Variants in GMDS observed in about 807,000 individuals in gnomAD.
The protein encoded by GMDS is GDP-mannose 4,6 dehydratase.
In GMDS, 20 loss-of-function variants were observed where a neutral mutation model predicts 49.9. The ratio of observed to expected loss-of-function variants is 0.40; its 90% CI spans 0.28 to 0.58. The LOEUF is 0.58. GMDS is among the 20% of genes least tolerant of loss of function. The probability of loss-of-function intolerance (pLI) is 0.42; values close to 1 mark genes in which losing one functional copy is unlikely to be tolerated. For missense variants in GMDS, 362 were observed against 481.4 expected (o/e 0.75, Z 2.32); for synonymous variants, 177 against 178.6 (o/e 0.99, Z 0.07).
intron 7 of GMDS, among the ~76,000 whole-genome samples, chr6:1,839,876 T>A (rs1757082200): frequency 6.6e-6 from 1 of 152,226 alleles, no homozygotes. Flanking sequence ...TCTGCGCCTT[T>A]GTGGGATGCT....
chr6:2,045,015 A>G (rs980526699), intron 4 of GMDS, among the ~76,000 whole-genome samples: 1 of 152,202 alleles, frequency 6.6e-6, no homozygotes, highest in African/African-American at 2.4e-5. Flanking sequence ...GGCTTATAAA[A>G]TGATGAAGAA....
At chr6:1,940,346 T>C (rs533445747) in intron 6 of GMDS, among the ~76,000 whole-genome samples, 1 of 152,364 alleles carries the variant, frequency 6.6e-6, no homozygotes, top group Non-Finnish European at 1.5e-5. Flanking sequence ...CAATGACAGT[T>C]TGGACAATAT....
chr6:1,660,162 T>G (rs1279911931), intron 9 of GMDS, among the ~76,000 whole-genome samples: 1 of 152,142 alleles, frequency 6.6e-6, no homozygotes, highest in African/African-American at 2.4e-5. Context: ...AAAGCATTCC[T>G]GGAAAGCCCC....
chr6:1,655,059 C>CAA (rs66508419), intron 9 of GMDS, among the ~76,000 whole-genome samples: 24 of 117,302 alleles, frequency 2.0e-4, no homozygotes, highest in African/African-American at 5.4e-4. Flanking sequence ...GATACCGTCT[C>CAA]AAAAAAAAAA....
chr6:2,148,061 CCT>C (rs764512288), intron 1 of GMDS, among the ~76,000 whole-genome samples: 3 of 151,958 alleles, frequency 2.0e-5, no homozygotes, highest in Non-Finnish European at 4.4e-5. Flanking sequence ...AATTAAACTC[CCT>C]GTTTCAGTCC....
chr6:1,683,458 G>A (rs993549865), intron 9 of GMDS, among the ~76,000 whole-genome samples: 2 of 152,150 alleles, frequency 1.3e-5, no homozygotes, highest in African/African-American at 4.8e-5. Flanking sequence ...TAGGATATCT[G>A]CCTCAAGCCC....
At chr6:1,697,525 T>C (rs1242189528) in intron 9 of GMDS, among the ~76,000 whole-genome samples, 1 of 152,190 alleles carries the variant, frequency 6.6e-6, no homozygotes. Flanking sequence ...TAGAAAACAA[T>C]GCAAAAACCT....
intron 7 of GMDS, among the ~76,000 whole-genome samples, chr6:1,868,662 A>C (rs1251514749): frequency 6.6e-6 from 1 of 152,232 alleles, no homozygotes; most frequent in African/African-American, 2.4e-5. Context: ...GTTGGGATTC[A>C]TTCCTAAATC....
intron 7 of GMDS, among the ~76,000 whole-genome samples, chr6:1,795,886 G>A (rs1769715710): frequency 2.0e-5 from 3 of 152,246 alleles, no homozygotes; most frequent in Admixed American, 2.0e-4. Context: ...TAATTTATCC[G>A]AAATATATAA....
At chr6:2,163,439 G>C (rs111925230) in intron 1 of GMDS, among the ~76,000 whole-genome samples, 1 of 126,290 alleles carries the variant, frequency 7.9e-6, no homozygotes, top group African/African-American at 5.6e-5. Flanking sequence ...GTGTGTGTGA[G>C]AGAGAGAGAG....
Position 1,960,917 on chromosome 6 carries a change from G to C in GMDS, c.395C>G (p.Thr132Ser), listed in dbSNP as rs770249393. 2 of 1,599,674 alleles carry C rather than the reference G, an allele frequency of 1.3e-6. No homozygotes were observed. Among genetic ancestry groups the C allele is most frequent in the Admixed American group, 3.3e-5 (2 of 59,910 alleles). The part of the protein sequence containing the change: ...EYTADVDGVG[T>S]LRLLDAVKTC... ...CTTAACTGCATCTAGAAGTCGTAGAGTGCCAACTCCGTCAACGTCCGCAGT... is the reference window on the plus strand; with the variant it reads ...CTTAACTGCATCTAGAAGTCGTAGACTGCCAACTCCGTCAACGTCCGCAGT... The change falls in exon 5 of 11, where the codon ACT becomes AGT. Residue 132 changes from threonine (T) to serine (S), a missense_variant. Transcript: ENST00000380815.
intron 4 of GMDS, among the ~76,000 whole-genome samples, chr6:1,994,209 C>T (rs558040721): frequency 9.3e-4 from 141 of 152,208 alleles, no homozygotes; most frequent in African/African-American, 3.2e-3. Context: ...TCTTTTTATG[C>T]TAAAAAACAT....
Position 1,759,639 on chromosome 6 carries a change from C to T in GMDS, c.772-17053G>A, listed in dbSNP as rs140093992. Among the ~76,000 whole-genome samples the T allele has an allele frequency of 8.5e-5, 13 of 152,306 alleles. No homozygotes were observed. In the East Asian group the frequency reaches 1.9e-3, roughly 23 times the overall value. ...AGTCTGGCGATAGACCACGTAGGAA[C>T]AGACAGGGAAGACACTGTGCCTGGC... On this transcript the variant is annotated intron_variant, in intron 7 of 10. Transcript: ENST00000380815.
intron 4 of GMDS, among the ~76,000 whole-genome samples, chr6:2,083,189 T>TAATCAATACCTTTAACA (rs1772813937): frequency 6.6e-6 from 1 of 152,188 alleles, no homozygotes; most frequent in African/African-American, 2.4e-5. Context: ...AATACAAGAT[T>TAATCAATACCTTTAACA]AGATACCTTT....
chr6:1,985,385 A>AT (rs11409375), intron 4 of GMDS, among the ~76,000 whole-genome samples: 54,637 of 151,610 alleles, frequency 0.36, 9,946 homozygotes, highest in Middle Eastern at 0.44. Flanking sequence ...TTGCAAACCG[A>AT]TTTTTTTTTA....
intron 9 of GMDS, among the ~76,000 whole-genome samples, chr6:1,632,778 C>A (rs1426929499): frequency 2.6e-5 from 4 of 152,094 alleles, no homozygotes; most frequent in African/African-American, 9.7e-5. Flanking sequence ...ACTTGGGAGG[C>A]TGAGGTGGGA....
intron 7 of GMDS, among the ~76,000 whole-genome samples, chr6:1,798,479 C>G (rs1180038840): frequency 6.6e-6 from 1 of 152,126 alleles, no homozygotes; most frequent in African/African-American, 2.4e-5. Context: ...GAGTCTTGTG[C>G]AAACCTTTTG....
At chr6:1,866,717 G>C (rs556860595) in intron 7 of GMDS, among the ~76,000 whole-genome samples, 1 of 152,324 alleles carries the variant, frequency 6.6e-6, no homozygotes, top group Admixed American at 6.5e-5. Flanking sequence ...CCACACTACA[G>C]CACCAACATC....
Position 2,056,980 on chromosome 6 carries a change from G to C in GMDS, c.345+58791C>G, listed in dbSNP as rs139956876. Among the ~76,000 whole-genome samples the C allele has an allele frequency of 2.1e-3, 320 of 152,292 alleles. 1 individual carries two copies. The highest frequency in any genetic ancestry group is 7.2e-3 in the African/African-American group (301 of 41,554). On this transcript the variant is annotated intron_variant, in intron 4 of 10. Coordinates refer to ENST00000380815, the MANE Select transcript of GMDS (RefSeq NM_001500.4). The stretch of plus-strand genomic sequence containing the variant: ...GAATTTCCATTTCTGTATAAATACA[G>C]CATTACTGCCCATTTAATATGAATA...
Sources: allele counts gnomAD v4.1 joint callset (sites outside exome capture counted in the v4.1 genomes callset), GRCh38; gene constraint gnomAD v4.1.1; transcripts MANE v1.5; gene names NCBI Gene and HGNC (gene_info 2026-07-23, HGNC 2026-07-21).